MYRFL: variants seen among roughly 807,000 people sequenced by gnomAD.
MYRFL encodes myelin regulatory factor-like protein.
A neutral mutation model predicts 109.4 loss-of-function variants in MYRFL; 88 were observed. The observed-to-expected ratio is 0.80, with a 90% CI of 0.68 to 0.96. MYRFL has a LOEUF of 0.96. MYRFL is among the 40% of genes least tolerant of loss of function. The pLI, the probability that MYRFL is intolerant of heterozygous loss-of-function variation, is 0.00. For missense variants in MYRFL, 957 were observed against 954.9 expected, an observed-to-expected ratio of 1.00 and a Z score of -0.03; for synonymous variants, 324 against 320.9, an observed-to-expected ratio of 1.01 and a Z score of -0.10.
intron 11 of MYRFL, among the ~76,000 whole-genome samples, chr12:69,904,826 C>T (rs1400540736): frequency 6.6e-6 from 1 of 152,200 alleles, no homozygotes; most frequent in Non-Finnish European, 1.5e-5. Context: ...TCTCTCCTTT[C>T]CTTATCCCTT....
intron 2 of MYRFL, among the ~76,000 whole-genome samples, chr12:69,864,879 C>T (rs1195953437): frequency 1.3e-5 from 2 of 152,150 alleles, no homozygotes; most frequent in East Asian, 3.8e-4. Flanking sequence ...AAGCAACCTG[C>T]CAAAAGTTGT....
intron 10 of MYRFL, among the ~76,000 whole-genome samples, chr12:69,900,402 T>A (rs1053277180): frequency 3.3e-5 from 5 of 152,030 alleles, no homozygotes; most frequent in Admixed American, 6.6e-5. Context: ...CGACCAGGAG[T>A]ACATGGCATA....
chr12:69,939,508 A>C (rs1483365368), intron 19 of MYRFL, among the ~76,000 whole-genome samples: 3 of 152,200 alleles, frequency 2.0e-5, no homozygotes, highest in South Asian at 2.1e-4. Context: ...AAACTAACAA[A>C]CAGAAAGGAC....
chr12:69,844,089 ACCT>A (rs1157679829), intron 1 of MYRFL, among the ~76,000 whole-genome samples: 1 of 151,834 alleles, frequency 6.6e-6, no homozygotes, highest in African/African-American at 2.4e-5. Context: ...TGTGTGTAAA[ACCT>A]CCTGAAAACA....
intron 19 of MYRFL, among the ~76,000 whole-genome samples, chr12:69,941,686 G>C (rs1422329057): frequency 7.0e-6 from 1 of 142,536 alleles, no homozygotes; most frequent in African/African-American, 2.7e-5. Flanking sequence ...ACTGAAATCA[G>C]AGCAGAACTG....
rs563442395 is a variant in MYRFL at position 69,909,958 on chromosome 12, A to G, written c.1384-11A>G. On this transcript the variant is annotated splice_polypyrimidine_tract_variant and intron_variant, in intron 11 of 24. Coordinates refer to ENST00000552032, the MANE Select transcript of MYRFL (RefSeq NM_182530.3). The stretch of plus-strand genomic sequence containing the variant: ...ATGCGAGTAAAATCTGCTCTTCTTT[A>G]ATTAAATTAGGTTGACACGAATGAA... The G allele has an allele frequency of 1.3e-5, 19 of 1,512,950 alleles. No homozygotes were observed. In the East Asian group the frequency reaches 4.2e-4, roughly 33 times the overall value. The allele number at this position is 1,512,950 out of a possible 1,614,324, so 93.7% of individuals were successfully genotyped here.
intron 5 of MYRFL, among the ~76,000 whole-genome samples, 181 bp downstream of exon 5, chr12:69,880,473 G>A (rs1171511337): frequency 6.6e-6 from 1 of 152,172 alleles, no homozygotes; most frequent in Non-Finnish European, 1.5e-5. Context: ...GGGTCACACA[G>A]GTCCTCCTAG....
intron 19 of MYRFL, among the ~76,000 whole-genome samples, chr12:69,939,390 C>A (rs1008580793): frequency 2.0e-5 from 3 of 152,130 alleles, no homozygotes; most frequent in African/African-American, 7.2e-5. Context: ...GACCCCTGAC[C>A]CCCGAGCAGC....
chr12:69,904,470 T>C (rs1034967202), intron 11 of MYRFL: 1 of 152,286 alleles, frequency 6.6e-6, no homozygotes, highest in African/African-American at 2.4e-5. Context: ...GCTTCTCCGC[T>C]TTGGGCTCTC....
At chr12:69,932,624 A>T (rs1475067445) in intron 16 of MYRFL, 26 bp downstream of exon 16, 1 of 1,479,778 alleles carries the variant, frequency 6.8e-7, no homozygotes, top group East Asian at 2.5e-5. Context: ...CTGTTATGCC[A>T]TGTCAAGCTC....
At chr12:69,826,424 T>C (rs1882282455) in intron 1 of MYRFL, among the ~76,000 whole-genome samples, 1 of 152,098 alleles carries the variant, frequency 6.6e-6, no homozygotes. Flanking sequence ...ATAATTTTCG[T>C]TTGAGCAGCA....
At chr12:69,832,901 T>A (rs1882716307) in intron 1 of MYRFL, among the ~76,000 whole-genome samples, 1 of 151,638 alleles carries the variant, frequency 6.6e-6, no homozygotes, top group Admixed American at 6.6e-5. Context: ...AATTCATGGA[T>A]GGTAGTACAA....
chr12:69,884,753 C>T (rs180771564), intron 5 of MYRFL, among the ~76,000 whole-genome samples: 12 of 152,274 alleles, frequency 7.9e-5, no homozygotes, highest in Non-Finnish European at 1.5e-4. Context: ...AATGACAGTG[C>T]CACTAGTAAT....
chr12:69,846,502 C>T (rs1465535255), intron 1 of MYRFL, among the ~76,000 whole-genome samples: 1 of 151,948 alleles, frequency 6.6e-6, no homozygotes, highest in Non-Finnish European at 1.5e-5. Flanking sequence ...CAATTTCATC[C>T]ATGTCCCTAC....
intron 7 of MYRFL, among the ~76,000 whole-genome samples, chr12:69,891,626 C>CTTTTGTT (rs3050161): frequency 5.3e-5 from 1 of 18,834 alleles, no homozygotes; most frequent in Non-Finnish European, 1.0e-4. Context: ...TTTCTTTCCT[C>CTTTTGTT]CTTCCTTTCT....
chr12:69,933,409 T>G (rs540187239), intron 16 of MYRFL, among the ~76,000 whole-genome samples: 3 of 152,232 alleles, frequency 2.0e-5, no homozygotes, highest in Admixed American at 1.3e-4. Flanking sequence ...TGAAAGGGTA[T>G]TTATCTGTCA....
Position 69,880,283 on chromosome 12 carries a change from T to C in MYRFL, c.547T>C (p.Cys183Arg), listed in dbSNP as rs370920296. ...SGECRVWACHCRPMTSRSRSS... is the reference protein window; with the variant it reads ...SGECRVWACHRRPMTSRSRSS... The stretch of plus-strand genomic sequence containing the variant: ...GGAATGCCGAGTGTGGGCCTGCCAC[T>C]GCAGACCGAGTGAGCAAACCTGGGT... The change falls in exon 5 of 25, where the codon TGC becomes CGC. Residue 183 changes from cysteine (C) to arginine (R), a missense_variant. Cys to Arg is a radical substitution (Grantham distance 180, BLOSUM62 -3). Coordinates refer to ENST00000552032, the MANE Select transcript of MYRFL (RefSeq NM_182530.3). The C allele has an allele frequency of 3.6e-5, 25 of 702,668 alleles. No individual in the cohort carries two copies. Among genetic ancestry groups the C allele is most frequent in the African/African-American group, 2.6e-4 (15 of 57,366 alleles). The allele number at this position is 702,668 out of a possible 1,614,324, so 43.5% of individuals were successfully genotyped here.
intron 14 of MYRFL, among the ~76,000 whole-genome samples, chr12:69,927,427 T>C (rs536712453): frequency 6.6e-6 from 1 of 151,080 alleles, no homozygotes; most frequent in East Asian, 2.0e-4. Flanking sequence ...TTTTTTTTAA[T>C]TGCTTAAGAA....
chr12:69,896,801 C>T lies in MYRFL; in HGVS notation c.1092-355C>T, dbSNP rs117778123. Among the ~76,000 whole-genome samples, 1,494 of 152,314 alleles carry T rather than the reference C, an allele frequency of 9.8e-3. 13 individuals are homozygous for T. The highest frequency in any genetic ancestry group is 0.016 in the Non-Finnish European group (1,100 of 68,016). The stretch of plus-strand genomic sequence containing the variant: ...TTTGTGAGCCATGCTGTGCTGAGGG[C>T]TCAGGACTGCAGCGTAGAGAGGCCT... On this transcript the variant is annotated intron_variant, in intron 9 of 24. Transcript: ENST00000552032.
Sources: allele counts gnomAD v4.1 joint callset (sites outside exome capture counted in the v4.1 genomes callset), GRCh38; gene constraint gnomAD v4.1.1; transcripts MANE v1.5; gene names NCBI Gene and HGNC (gene_info 2026-07-23, HGNC 2026-07-21).